KDM7A: variants seen among roughly 807,000 people sequenced by gnomAD.
KDM7A encodes the protein lysine demethylase 7A.
KDM7A carries 28 observed loss-of-function variants against 114.8 expected under a neutral mutation model. That is an observed-to-expected ratio of 0.24 (90% confidence interval 0.18 to 0.33). The LOEUF (loss-of-function observed/expected upper bound fraction) is 0.33, where lower values mean the gene tolerates loss of function less well. KDM7A is among the 10% of genes least tolerant of loss of function. The pLI is 1.00. For synonymous variants in KDM7A, 423 were observed against 397.8 expected (o/e 1.06, Z -0.75); for missense variants, 942 against 1,142.5 (o/e 0.82, Z 2.53).
At chr7:140,137,165 G>C (rs1362013709) in intron 2 of KDM7A, among the ~76,000 whole-genome samples, 1 of 152,100 alleles carries the variant, frequency 6.6e-6, no homozygotes, top group Non-Finnish European at 1.5e-5. Context: ...ACACAGAGTT[G>C]GACGTCTGAC....
chr7:140,118,970 G>A (rs1818575678), intron 9 of KDM7A, 143 bp downstream of exon 9: 1 of 526,062 alleles, frequency 1.9e-6, no homozygotes. Context: ...TTGCTGGATG[G>A]GGGAAAACCA....
chr7:140,172,865 T>A (rs746320642), intron 1 of KDM7A, among the ~76,000 whole-genome samples: 1 of 152,178 alleles, frequency 6.6e-6, no homozygotes, highest in Non-Finnish European at 1.5e-5. Flanking sequence ...CATATACACA[T>A]ACCACATTAT....
At chr7:140,151,397 A>AT (rs1401513611) in intron 1 of KDM7A, among the ~76,000 whole-genome samples, 3 of 152,192 alleles carry the variant, frequency 2.0e-5, no homozygotes, top group Non-Finnish European at 2.9e-5. Flanking sequence ...ATATTTACTG[A>AT]TTGACACAAA....
chr7:140,124,978 CCCT>C (rs1818675824), intron 6 of KDM7A, among the ~76,000 whole-genome samples, 195 bp from the exon 7 acceptor site: 2 of 152,078 alleles, frequency 1.3e-5, no homozygotes, highest in Admixed American at 6.6e-5. Flanking sequence ...TTAAAGCTCC[CCCT>C]CCTCAACTGA....
chr7:140,142,158 C>G (rs1000692866), intron 1 of KDM7A, among the ~76,000 whole-genome samples: 1 of 149,834 alleles, frequency 6.7e-6, no homozygotes. Context: ...CCTAAACACA[C>G]ATAAAACACA....
At chr7:140,157,785 G>A (rs924278460) in intron 1 of KDM7A, among the ~76,000 whole-genome samples, 19 of 150,964 alleles carry the variant, frequency 1.3e-4, no homozygotes, top group Admixed American at 3.3e-4. Flanking sequence ...CCAACACGGC[G>A]AAACTGTCTC....
intron 1 of KDM7A, among the ~76,000 whole-genome samples, chr7:140,144,584 G>C (rs995547319): frequency 2.6e-5 from 4 of 152,122 alleles, no homozygotes. Flanking sequence ...AAAAGGTAGA[G>C]AGGTATGAGG....
rs1280152920 is a variant in KDM7A at position 140,176,344 on chromosome 7, C to A, written c.194+400G>T. On this transcript the variant is annotated intron_variant, in intron 1 of 19. Coordinates refer to ENST00000397560, the MANE Select transcript of KDM7A (RefSeq NM_030647.2). The surrounding 1 kb of genome is among the most constrained non-coding windows in gnomAD (Gnocchi z 4.4). ...CGGCCGGCGACTCCGGCCGGAGCCC[C>A]GGGCGCGGCGGGGCGGGGCGGGGCG... 7.2e-6 allele frequency among the ~76,000 whole-genome samples: 1 copy of A among 139,236 alleles called. No individual in the cohort carries two copies. The highest frequency in any genetic ancestry group is 2.5e-5 in the African/African-American group (1 of 39,676). 91.3% of individuals were successfully genotyped at this position (139,236 alleles called of 152,430 possible).
intron 11 of KDM7A, among the ~76,000 whole-genome samples, chr7:140,107,077 G>C (rs1358156044): frequency 1.3e-5 from 2 of 152,128 alleles, no homozygotes; most frequent in Non-Finnish European, 1.5e-5. Context: ...TGTTTTATCA[G>C]AGACTAGGAT....
chr7:140,148,220 GAAA>G (rs35363572), intron 1 of KDM7A, among the ~76,000 whole-genome samples: 5 of 118,448 alleles, frequency 4.2e-5, no homozygotes, highest in African/African-American at 1.6e-4. Flanking sequence ...TATGCTTCAA[GAAA>G]AAAAAAAAAA....
intron 11 of KDM7A, among the ~76,000 whole-genome samples, chr7:140,104,734 C>T (rs1818298128): frequency 6.6e-6 from 1 of 152,182 alleles, no homozygotes; most frequent in Non-Finnish European, 1.5e-5. Flanking sequence ...CATGATGCCT[C>T]CAGCTTTGTT....
At chr7:140,151,024 T>G (rs780814260) in intron 1 of KDM7A, among the ~76,000 whole-genome samples, 2 of 151,928 alleles carry the variant, frequency 1.3e-5, no homozygotes, top group Non-Finnish European at 1.5e-5. Flanking sequence ...ACAGATGGGG[T>G]TTCACCATGT....
chr7:140,144,254 G>C (rs1054641682), intron 1 of KDM7A, among the ~76,000 whole-genome samples: 1 of 152,160 alleles, frequency 6.6e-6, no homozygotes, highest in African/African-American at 2.4e-5. Context: ...TCATTCAAAG[G>C]GGAAAGAAGA....
chr7:140,156,618 A>C (rs1307459794), intron 1 of KDM7A, among the ~76,000 whole-genome samples: 1 of 152,194 alleles, frequency 6.6e-6, no homozygotes, highest in Non-Finnish European at 1.5e-5. Flanking sequence ...GTCCCACCCA[A>C]AGGGAGAGAG....
In KDM7A at chr7:140,176,487, G is replaced by C. The variant is rs999608289; in HGVS notation, c.194+257C>G. ...GGCTCCCCCTGCCAACTTATCCGCC[G>C]GCCCTCTTTGTTCGTGTTTGTTGTG... On this transcript the variant is annotated intron_variant, in intron 1 of 19. Transcript: ENST00000397560. This position sits in a 1 kb window ranked among gnomAD's most constrained non-coding sequence, Gnocchi z 4.4. Among the ~76,000 whole-genome samples, 1 of 146,688 alleles carries C rather than the reference G, an allele frequency of 6.8e-6. No individual in the cohort carries two copies. Among genetic ancestry groups the C allele is most frequent in the Admixed American group, 6.8e-5 (1 of 14,794 alleles).
At chr7:140,094,775 A>C (rs1362610068) in intron 17 of KDM7A, 1 of 152,372 alleles carries the variant, frequency 6.6e-6, no homozygotes, top group Non-Finnish European at 1.5e-5. Flanking sequence ...AGTTATAAAC[A>C]CCATACTCAG....
intron 6 of KDM7A, 120 bp downstream of exon 6, chr7:140,126,517 A>G (rs1404857773): frequency 3.0e-5 from 2 of 66,858 alleles, no homozygotes; most frequent in Admixed American, 3.6e-4. Context: ...GTTAAAAAGT[A>G]AAAAAAAAAA....
chr7:140,100,688 A>ATATATATATATATATATGTG (rs1491539218), intron 12 of KDM7A, among the ~76,000 whole-genome samples: 1 of 20,962 alleles, frequency 4.8e-5, no homozygotes, highest in African/African-American at 1.7e-4. Context: ...ATACATATAT[A>ATATATATATATATATATGTG]CATATATATA....
At chr7:140,121,904 T>C (rs1216977888) in intron 7 of KDM7A, among the ~76,000 whole-genome samples, 2 of 152,166 alleles carry the variant, frequency 1.3e-5, no homozygotes, top group African/African-American at 2.4e-5. Flanking sequence ...TGGAAGCTTA[T>C]CAGTCACTAA....
Sources: allele counts gnomAD v4.1 joint callset (sites outside exome capture counted in the v4.1 genomes callset), GRCh38; gene constraint gnomAD v4.1.1; non-coding constraint Gnocchi (gnomAD v3.1); transcripts MANE v1.5; gene names NCBI Gene and HGNC (gene_info 2026-07-23, HGNC 2026-07-21).